RNGTT: variants seen among roughly 807,000 people sequenced by gnomAD.
RNGTT encodes the protein mRNA-capping enzyme.
RNGTT carries 33 observed loss-of-function variants against 79.3 expected under a neutral mutation model. That is an observed-to-expected ratio of 0.42 (90% confidence interval 0.32 to 0.56). The LOEUF is 0.56. RNGTT is among the 20% of genes least tolerant of loss of function. The pLI is 0.17. For missense variants in RNGTT, 497 were observed against 739.1 expected, an observed-to-expected ratio of 0.67 and a Z score of 3.80; for synonymous variants, 222 against 235.9, an observed-to-expected ratio of 0.94 and a Z score of 0.54.
chr6:88,658,474 G>A (rs1014792851), intron 14 of RNGTT, among the ~76,000 whole-genome samples: 2 of 152,208 alleles, frequency 1.3e-5, no homozygotes, highest in Non-Finnish European at 2.9e-5. Context: ...GCCCCGCTGG[G>A]TGGCTAGACC....
intron 13 of RNGTT, among the ~76,000 whole-genome samples, chr6:88,720,827 C>T (rs1005286459): frequency 6.6e-6 from 1 of 151,980 alleles, no homozygotes; most frequent in South Asian, 2.1e-4. Context: ...GGTTAAGGCA[C>T]GTTCTAGCTG....
At chr6:88,799,700 CAAA>C (rs36033019) in intron 12 of RNGTT, among the ~76,000 whole-genome samples, 3 of 46,234 alleles carry the variant, frequency 6.5e-5, no homozygotes, top group Non-Finnish European at 1.3e-4. Context: ...AACTCCATCT[CAAA>C]AAAAAAAAAA....
intron 8 of RNGTT, among the ~76,000 whole-genome samples, chr6:88,862,278 T>C (rs1246746407): frequency 6.6e-6 from 1 of 152,122 alleles, no homozygotes; most frequent in Non-Finnish European, 1.5e-5. Flanking sequence ...CCACATCTTC[T>C]AGGAAGGAGA....
At chr6:88,868,002 C>A (rs1782229908) in intron 8 of RNGTT, among the ~76,000 whole-genome samples, 1 of 152,190 alleles carries the variant, frequency 6.6e-6, no homozygotes, top group Non-Finnish European at 1.5e-5. Context: ...TCTGTGCCAT[C>A]ACAACCTTTT....
At chr6:88,760,295 A>C (rs1401750241) in intron 13 of RNGTT, among the ~76,000 whole-genome samples, 3 of 152,334 alleles carry the variant, frequency 2.0e-5, no homozygotes, top group South Asian at 2.1e-4. Flanking sequence ...ATAACAGAGG[A>C]AACAAGAGTT....
chr6:88,723,704 C>T (rs1776782972), intron 13 of RNGTT, among the ~76,000 whole-genome samples: 1 of 152,022 alleles, frequency 6.6e-6, no homozygotes, highest in Non-Finnish European at 1.5e-5. Context: ...TATTTTTATA[C>T]AGTTCTACAA....
intron 14 of RNGTT, among the ~76,000 whole-genome samples, chr6:88,649,014 A>G (rs781487033): frequency 1.3e-5 from 2 of 152,240 alleles, no homozygotes; most frequent in Non-Finnish European, 2.9e-5. Context: ...ACCTTAAGCA[A>G]AGCAATGTAC....
At chr6:88,725,261 C>T (rs1323277828) in intron 13 of RNGTT, among the ~76,000 whole-genome samples, 5 of 152,154 alleles carry the variant, frequency 3.3e-5, no homozygotes, top group Non-Finnish European at 5.9e-5. Flanking sequence ...ATAACCCAAG[C>T]CCTCAGCAAC....
intron 1 of RNGTT, among the ~76,000 whole-genome samples, chr6:88,949,130 T>A (rs7450874): frequency 7.6e-3 from 125 of 16,342 alleles, no homozygotes; most frequent in African/African-American, 0.027. Context: ...TTAAAAAAAA[T>A]AAAAATAAAA....
intron 12 of RNGTT, among the ~76,000 whole-genome samples, chr6:88,799,515 A>G (rs1353477674): frequency 6.6e-6 from 1 of 152,030 alleles, no homozygotes; most frequent in African/African-American, 2.4e-5. Context: ...CCTGGCTAAC[A>G]TGGTGAAACT....
chr6:88,618,658 CCATAT>C (rs1300657381), intron 14 of RNGTT, among the ~76,000 whole-genome samples: 18 of 152,162 alleles, frequency 1.2e-4, no homozygotes, highest in African/African-American at 4.3e-4. Context: ...GAGCAACACA[CCATAT>C]ATTTTATGTT....
chr6:88,809,486 C>CA (rs950536275), intron 11 of RNGTT, among the ~76,000 whole-genome samples: 1 of 151,796 alleles, frequency 6.6e-6, no homozygotes, highest in Non-Finnish European at 1.5e-5. Context: ...GGAAAAAATG[C>CA]TTTTTTTTCC....
intron 13 of RNGTT, among the ~76,000 whole-genome samples, chr6:88,762,933 C>CT (rs369032803): frequency 6.6e-6 from 1 of 151,292 alleles, no homozygotes; most frequent in African/African-American, 2.4e-5. Flanking sequence ...TTTCTTTTTC[C>CT]TTTTTTTTAA....
chr6:88,652,152 C>G (rs1773820384), intron 14 of RNGTT, among the ~76,000 whole-genome samples: 1 of 152,106 alleles, frequency 6.6e-6, no homozygotes, highest in African/African-American at 2.4e-5. Flanking sequence ...ATGCTCTGAT[C>G]TTGTGACACT....
intron 13 of RNGTT, among the ~76,000 whole-genome samples, chr6:88,683,756 T>G (rs1775174585): frequency 6.6e-6 from 1 of 152,208 alleles, no homozygotes; most frequent in Non-Finnish European, 1.5e-5. Context: ...GGCTCATGCC[T>G]GTAATCCCAG....
At position 88,915,695 on chromosome 6, in the gene RNGTT, A is replaced by G. The variant is rs184772756; in HGVS notation, c.368-9255T>C. Among the ~76,000 whole-genome samples, 3 of 152,316 alleles carry G rather than the reference A, an allele frequency of 2.0e-5. No homozygotes were observed. The East Asian group carries it at 5.8e-4, about 29-fold the overall frequency. On this transcript the variant is annotated intron_variant, in intron 4 of 15. Coordinates refer to ENST00000369485, the MANE Select transcript of RNGTT (RefSeq NM_003800.5). ...TCACTATCTGTGTAATAAAACCAAC[A>G]GAAGCCCAAACTCCTGCCTCACACA...
At chr6:88,925,405 A>C (rs1784287402) in intron 4 of RNGTT, among the ~76,000 whole-genome samples, 1 of 152,078 alleles carries the variant, frequency 6.6e-6, no homozygotes. Flanking sequence ...AGCCTAGGCA[A>C]CATGGTGAAA....
chr6:88,832,212 A>C (rs762921702), intron 11 of RNGTT, among the ~76,000 whole-genome samples: 2 of 152,238 alleles, frequency 1.3e-5, no homozygotes, highest in Non-Finnish European at 2.9e-5. Context: ...TACAGTAACC[A>C]AAACAGCATG....
At chr6:88,749,485 GA>G (rs1420295186) in intron 13 of RNGTT, among the ~76,000 whole-genome samples, 2 of 150,874 alleles carry the variant, frequency 1.3e-5, no homozygotes, top group Non-Finnish European at 3.0e-5. Flanking sequence ...AAAAAATAAG[GA>G]AAAAAATCAA....
Sources: gnomAD v4.1 joint callset for allele counts (sites outside exome capture counted in the v4.1 genomes callset) on GRCh38, gnomAD v4.1.1 for gene constraint, MANE v1.5 for transcripts, NCBI Gene and HGNC (gene_info 2026-07-23, HGNC 2026-07-21) for gene names.